The following LUC7L3 variants were observed in gnomAD, a reference collection of about 807,000 sequenced individuals.
LUC7L3 encodes luc7-like protein 3.
In LUC7L3, 6 loss-of-function variants were observed where a neutral mutation model predicts 66.8. The ratio of observed to expected loss-of-function variants is 0.09; its 90% confidence interval spans 0.05 to 0.18. The LOEUF (loss-of-function observed/expected upper bound fraction) is 0.18. Ranked by LOEUF, LUC7L3 falls within the 10% of genes least tolerant of loss-of-function variation. LUC7L3 has a pLI of 1.00. For synonymous variants in LUC7L3, 160 were observed against 174.7 expected, an observed-to-expected ratio of 0.92 and a Z score of 0.66; for missense variants, 341 against 531.1, an observed-to-expected ratio of 0.64 and a Z score of 3.52.
At chr17:50,738,908 G>A (rs1462195550) in intron 2 of LUC7L3, among the ~76,000 whole-genome samples, 1 of 152,136 alleles carries the variant, frequency 6.6e-6, no homozygotes, top group Non-Finnish European at 1.5e-5. Flanking sequence ...GGTGGTGGGG[G>A]TGGGTGTAGG....
At chr17:50,720,444 G>A (rs1243275145) in intron 1 of LUC7L3, among the ~76,000 whole-genome samples, 1 of 152,202 alleles carries the variant, frequency 6.6e-6, no homozygotes, top group African/African-American at 2.4e-5. Context: ...TTAGCCCGGG[G>A]AGTAAAGGTA....
At chr17:50,744,059 A>C (rs371861505) in intron 6 of LUC7L3, among the ~76,000 whole-genome samples, 3 of 152,374 alleles carry the variant, frequency 2.0e-5, no homozygotes, top group East Asian at 3.9e-4. Context: ...CTGGCTTGCC[A>C]ATCACTGCCT....
chr17:50,720,860 C>G (rs182379463), intron 1 of LUC7L3, among the ~76,000 whole-genome samples: 1 of 152,228 alleles, frequency 6.6e-6, no homozygotes, highest in Admixed American at 6.5e-5. Flanking sequence ...TAGATGACTC[C>G]TTTTAGGACT....
rs530048973 is a variant in LUC7L3 at position 50,738,596 on chromosome 17, T to G, written c.166+1570T>G. ...AAAACATTTTCTGAAAAACAGCTCTTAGAAATTAAAACTGAAGAAATAGAA... is the reference window on the plus strand; with the variant it reads ...AAAACATTTTCTGAAAAACAGCTCTGAGAAATTAAAACTGAAGAAATAGAA... On this transcript the variant is annotated intron_variant, in intron 2 of 9. Coordinates refer to ENST00000505658, the MANE Select transcript of LUC7L3 (RefSeq NM_016424.5). 5.9e-5 allele frequency among the ~76,000 whole-genome samples: 9 copies of G among 152,260 alleles called. No individual in the cohort carries two copies. The South Asian group carries it at 1.9e-3, about 32-fold the overall frequency.
chr17:50,719,620 G>A lies in LUC7L3; in HGVS notation c.-113G>A, dbSNP rs1968601577. 4 of 852,994 alleles carry A rather than the reference G, an allele frequency of 4.7e-6. No individual in the cohort carries two copies. In the Admixed American group the frequency reaches 8.8e-5, roughly 19 times the overall value. The allele number at this position is 852,994 out of a possible 1,614,324, so 52.8% of individuals were successfully genotyped here. On this transcript the variant is annotated 5_prime_UTR_variant, in exon 1 of 10. The change creates a new upstream start codon in the 5' untranslated region. Transcript: ENST00000505658. ...GCCATTTTGTCTTGTCGGCTCCTGTGTGTAGGAGGGATTTCGGCCTGAGAG... is the reference window on the plus strand; with the variant it reads ...GCCATTTTGTCTTGTCGGCTCCTGTATGTAGGAGGGATTTCGGCCTGAGAG...
At position 50,751,633 on chromosome 17, in the gene LUC7L3, T is replaced by C; in HGVS notation, c.*972T>C. ...CTTCATATTATTCGCCTTGTTACAC[T>C]CAATGCAATTCTCAAGTCTATAAGA... is the stretch of plus-strand genomic sequence containing the variant. On this transcript the variant is annotated 3_prime_UTR_variant, in exon 10 of 10. Coordinates refer to ENST00000505658, the MANE Select transcript of LUC7L3 (RefSeq NM_016424.5). 2 of 1,123,210 alleles carry C rather than the reference T, an allele frequency of 1.8e-6. No individual in the cohort carries two copies. Among genetic ancestry groups the C allele is most frequent in the Non-Finnish European group, 2.2e-6 (2 of 907,842 alleles). 69.6% of individuals were successfully genotyped at this position (1,123,210 alleles called of 1,614,324 possible).
intron 9 of LUC7L3, among the ~76,000 whole-genome samples, chr17:50,747,436 TATAAA>T (rs1970751387): frequency 6.6e-6 from 1 of 151,918 alleles, no homozygotes; most frequent in Admixed American, 6.5e-5. Flanking sequence ...ATATAAAAGA[TATAAA>T]ATATCTTTTA....
chr17:50,731,882 A>C (rs554209658), intron 1 of LUC7L3, among the ~76,000 whole-genome samples: 60 of 152,282 alleles, frequency 3.9e-4, no homozygotes, highest in African/African-American at 1.4e-3. Context: ...TGTGCAGCGG[A>C]CAGGTCTACG....
In LUC7L3 at chr17:50,754,357, T is replaced by A. The variant is rs1971071672; in HGVS notation, c.*3696T>A. On this transcript the variant is annotated 3_prime_UTR_variant, in exon 10 of 10. Coordinates refer to ENST00000505658, the MANE Select transcript of LUC7L3 (RefSeq NM_016424.5). ...GACCACTTTTATACTTCATGAGTGA[T>A]TGTATTTGTATCCACTGTTTTCTAT... 1 of 152,238 alleles carries A rather than the reference T, an allele frequency of 6.6e-6. No homozygotes were observed. The allele number at this position is 152,238 out of a possible 1,614,324, so 9.4% of individuals were successfully genotyped here. A position where few individuals can be genotyped will look rare whatever the true frequency, so the allele number is the denominator to read the frequency against.
chr17:50,750,590 A>G lies in LUC7L3; in HGVS notation c.1228A>G (p.Ser410Gly). Residue 410 changes from serine to glycine, a missense_variant, in exon 10 of 10, where the codon AGT (serine) becomes GGT (glycine). Ser to Gly is a moderately conservative substitution (Grantham distance 56, BLOSUM62 0). Transcript: ENST00000505658. ...AGACACAAACACTGAATCGAAGGAA[A>G]GTGATACTAAGAATGAGGTCAATGG... is the stretch of plus-strand genomic sequence containing the variant. ...SEDTNTESKE[S>G]DTKNEVNGTS... 9 of 1,614,168 alleles carry G rather than the reference A, an allele frequency of 5.6e-6. No individual in the cohort carries two copies. Among genetic ancestry groups the G allele is most frequent in the East Asian group, 2.2e-5 (1 of 44,880 alleles).
rs1476966645 is a variant in LUC7L3 at position 50,753,991 on chromosome 17, C to T, written c.*3330C>T. ...GCCTGGCTTTAGTTATGGAGAGAGACGTAGAAGTTGAATTTTACACCCAAA... is the reference window on the plus strand; with the variant it reads ...GCCTGGCTTTAGTTATGGAGAGAGATGTAGAAGTTGAATTTTACACCCAAA... On this transcript the variant is annotated 3_prime_UTR_variant, in exon 10 of 10. Transcript: ENST00000505658. 2.0e-5 allele frequency: 3 copies of T among 152,042 alleles called. No individual in the cohort carries two copies. The highest frequency in any genetic ancestry group is 7.2e-5 in the African/African-American group (3 of 41,386). 9.4% of individuals were successfully genotyped at this position (152,042 alleles called of 1,614,324 possible). A position where few individuals can be genotyped will look rare whatever the true frequency, so the allele number is the denominator to read the frequency against.
intron 1 of LUC7L3, among the ~76,000 whole-genome samples, chr17:50,734,254 G>A (rs1255548710): frequency 4.0e-5 from 6 of 150,604 alleles, no homozygotes; most frequent in South Asian, 2.1e-4. Context: ...CGCAACCTCC[G>A]CCTCCCAGGT....
intron 9 of LUC7L3, among the ~76,000 whole-genome samples, chr17:50,748,000 C>CTCTTAA (rs1320033347): frequency 1.3e-5 from 2 of 152,210 alleles, no homozygotes; most frequent in African/African-American, 4.8e-5. Flanking sequence ...GAGAGGTCAA[C>CTCTTAA]TCTTAAGAGC....
chr17:50,739,666 ACAAC>A (rs1970221587), intron 2 of LUC7L3, among the ~76,000 whole-genome samples: 1 of 150,924 alleles, frequency 6.6e-6, no homozygotes, highest in Non-Finnish European at 1.5e-5. Context: ...AAAAAACAAA[ACAAC>A]AACAACAACA....
rs554864982 is a variant in LUC7L3 at position 50,753,457 on chromosome 17, A to G, written c.*2796A>G. 6.6e-6 allele frequency: 1 copy of G among 152,570 alleles called. No homozygotes were observed. Among genetic ancestry groups the G allele is most frequent in the African/African-American group, 2.4e-5 (1 of 41,568 alleles). The allele number at this position is 152,570 out of a possible 1,614,324, so 9.5% of individuals were successfully genotyped here. ...AGAATTTACTAAAATCTCTTCCACC[A>G]AACTTTGAAAAATAATGAAGCCGCC... is the stretch of plus-strand genomic sequence containing the variant. On this transcript the variant is annotated 3_prime_UTR_variant, in exon 10 of 10. Coordinates refer to ENST00000505658, the MANE Select transcript of LUC7L3 (RefSeq NM_016424.5).
rs564660104 is a variant in LUC7L3 at position 50,738,572 on chromosome 17, A to G, written c.166+1546A>G. Among the ~76,000 whole-genome samples, 40 of 152,364 alleles carry G rather than the reference A, an allele frequency of 2.6e-4. 1 individual carries two copies. Among genetic ancestry groups the G allele is most frequent in the Middle Eastern group, 3.4e-3 (1 of 294 alleles). On this transcript the variant is annotated intron_variant, in intron 2 of 9. Transcript: ENST00000505658. ...AGAGGGAACTTGTGGAAAAAGTGAA[A>G]AACATTTTCTGAAAAACAGCTCTTA... is the stretch of plus-strand genomic sequence containing the variant.
intron 1 of LUC7L3, among the ~76,000 whole-genome samples, chr17:50,734,928 T>A (rs1969874971): frequency 6.6e-6 from 1 of 152,100 alleles, no homozygotes; most frequent in South Asian, 2.1e-4. Flanking sequence ...AAAGATAAAA[T>A]TCACAGTAAT....
chr17:50,750,422 T>C lies in LUC7L3; in HGVS notation c.1139-79T>C, dbSNP rs560005026. On this transcript the variant is annotated intron_variant, in intron 9 of 9. Transcript: ENST00000505658. ...GAAATGATTGTCTCTCATCTCTCAG[T>C]TGTTTCACTTTTTTTCAAAATCATG... 1.7e-4 allele frequency: 225 copies of C among 1,342,068 alleles called. 1 individual carries two copies. The African/African-American group carries it at 2.9e-3, about 18-fold the overall frequency. The allele number at this position is 1,342,068 out of a possible 1,614,324, so 83.1% of individuals were successfully genotyped here.
chr17:50,721,337 T>C (rs542461714), intron 1 of LUC7L3, among the ~76,000 whole-genome samples: 143 of 152,326 alleles, frequency 9.4e-4, no homozygotes, highest in Non-Finnish European at 9.1e-4. Flanking sequence ...TTAGAGAAAC[T>C]GTTTTCTTTC....
Sources: gnomAD v4.1 joint callset for allele counts (sites outside exome capture counted in the v4.1 genomes callset) on GRCh38, gnomAD v4.1.1 for gene constraint, MANE v1.5 for transcripts, NCBI Gene and HGNC (gene_info 2026-07-23, HGNC 2026-07-21) for gene names.